RIPOR2: variants seen among roughly 807,000 people sequenced by gnomAD.
RIPOR2 encodes rho family-interacting cell polarization regulator 2.
A neutral mutation model predicts 114.5 loss-of-function variants in RIPOR2; 39 were observed. The observed-to-expected ratio is 0.34, with a 90% CI of 0.26 to 0.44. The LOEUF (loss-of-function observed/expected upper bound fraction) is 0.44. RIPOR2 is among the 20% of genes least tolerant of loss of function. The pLI, the probability that RIPOR2 is intolerant of heterozygous loss-of-function variation, is 1.00. For synonymous variants in RIPOR2, 445 were observed against 484.4 expected, an observed-to-expected ratio of 0.92 and a Z score of 1.07; for missense variants, 1,007 against 1,255.1, an observed-to-expected ratio of 0.80 and a Z score of 2.99.
chr6:25,008,823 T>C (rs1775662742), intron 1 of RIPOR2, among the ~76,000 whole-genome samples: 1 of 152,234 alleles, frequency 6.6e-6, no homozygotes, highest in African/African-American at 2.4e-5. Context: ...GAGGAGCCAT[T>C]GGCATTTGTG....
In RIPOR2 at chr6:24,804,919, A is replaced by G. The variant is rs942005772; in HGVS notation, c.*1454T>C. 3.9e-5 allele frequency: 6 copies of G among 152,322 alleles called. No homozygotes were observed. Among genetic ancestry groups the G allele is most frequent in the Admixed American group, 6.5e-5 (1 of 15,308 alleles). The allele number at this position is 152,322 out of a possible 1,614,324, so 9.4% of individuals were successfully genotyped here. A position where few individuals can be genotyped will look rare whatever the true frequency, so the allele number is the denominator to read the frequency against. On this transcript the variant is annotated 3_prime_UTR_variant, in exon 22 of 22. Coordinates refer to ENST00000643898, the MANE Select transcript of RIPOR2 (RefSeq NM_001286445.3). The stretch of plus-strand genomic sequence containing the variant: ...CTTGTACTTTGCTTAATGAACTTGC[A>G]TCTCTGATACTGAAGCAATAATGGG...
At chr6:24,834,112 A>G (rs1760904400) in intron 15 of RIPOR2, among the ~76,000 whole-genome samples, 1 of 152,058 alleles carries the variant, frequency 6.6e-6, no homozygotes, top group South Asian at 2.1e-4. Flanking sequence ...ACATTCTACC[A>G]GATTGGTTAT....
upstream of RIPOR2, among the ~76,000 whole-genome samples, chr6:24,936,710 C>G (rs779113092): frequency 1.3e-5 from 2 of 152,202 alleles, no homozygotes; most frequent in Non-Finnish European, 2.9e-5. Context: ...GCACCATTGG[C>G]TGGCATCACC....
intron 1 of RIPOR2, among the ~76,000 whole-genome samples, chr6:24,915,599 G>A (rs1003918510): frequency 6.6e-6 from 1 of 152,092 alleles, no homozygotes; most frequent in Non-Finnish European, 1.5e-5. Flanking sequence ...TCCTGACCTC[G>A]TGATCCACCT....
intron 1 of RIPOR2, among the ~76,000 whole-genome samples, chr6:24,909,241 G>C (rs1469284571): frequency 6.6e-6 from 1 of 152,164 alleles, no homozygotes; most frequent in African/African-American, 2.4e-5. Flanking sequence ...TCCTCAAGCT[G>C]CTGTTACCCT....
chr6:24,831,118 T>G (rs1760655800), intron 16 of RIPOR2, among the ~76,000 whole-genome samples: 1 of 152,168 alleles, frequency 6.6e-6, no homozygotes. Flanking sequence ...TGGTTAGTTT[T>G]CAGATGGAAC....
chr6:24,885,590 C>A (rs1462650417), intron 1 of RIPOR2, among the ~76,000 whole-genome samples: 1 of 152,160 alleles, frequency 6.6e-6, no homozygotes, highest in African/African-American at 2.4e-5. Context: ...AACGTGGAAT[C>A]CAGAGTCAGA....
chr6:24,880,920 A>G (rs901100998), intron 1 of RIPOR2, among the ~76,000 whole-genome samples: 1 of 152,208 alleles, frequency 6.6e-6, no homozygotes, highest in South Asian at 2.1e-4. Flanking sequence ...ACCAGATGCC[A>G]TATCTATTAA....
chr6:24,875,778 G>A lies in RIPOR2; in HGVS notation c.101C>T (p.Ser34Phe), dbSNP rs751771625. 60 of 1,613,244 alleles carry A rather than the reference G, an allele frequency of 3.7e-5. No homozygotes were observed. Among genetic ancestry groups the A allele is most frequent in the Non-Finnish European group, 4.2e-5 (49 of 1,179,642 alleles). Residue 34 changes from serine to phenylalanine, a missense_variant, in exon 2 of 22, where the codon TCC (serine) becomes TTC (phenylalanine). Coordinates refer to ENST00000643898, the MANE Select transcript of RIPOR2 (RefSeq NM_001286445.3). ...TRLPEIMLVG[S>F]QSFSPGGPNG... ...GGGCCCTCCAGGCGAAAAAGACTGGGATCCTACCAACATGATTTCCGGGAG... is the reference window on the plus strand; with the variant it reads ...GGGCCCTCCAGGCGAAAAAGACTGGAATCCTACCAACATGATTTCCGGGAG...
At chr6:25,024,332 C>T in intron 1 of RIPOR2, 1 of 1,468,398 alleles carries the variant, frequency 6.8e-7, no homozygotes, top group South Asian at 1.1e-5. Context: ...GTTTCAGTGC[C>T]TTCTTCCTGG....
intron 13 of RIPOR2, chr6:24,839,817 T>C (rs764444885): frequency 4.1e-4 from 554 of 1,336,006 alleles, no homozygotes; most frequent in Non-Finnish European, 4.7e-4. Context: ...TTCGGTGTTT[T>C]ACAAAAGGCG....
chr6:24,820,507 A>T (rs1043828203), intron 19 of RIPOR2, among the ~76,000 whole-genome samples: 1 of 152,216 alleles, frequency 6.6e-6, no homozygotes, highest in Non-Finnish European at 1.5e-5. Flanking sequence ...TCCTGTACCC[A>T]TTAGTAGTCA....
At chr6:24,873,567 A>G in intron 3 of RIPOR2, 77 bp downstream of exon 3, 1 of 1,319,490 alleles carries the variant, frequency 7.6e-7, no homozygotes, top group Non-Finnish European at 1.1e-6. Flanking sequence ...ACATCTGAAA[A>G]ATGATCTCAT....
intron 1 of RIPOR2, among the ~76,000 whole-genome samples, chr6:24,890,936 A>G (rs1322349364): frequency 6.7e-6 from 1 of 149,672 alleles, no homozygotes; most frequent in African/African-American, 2.5e-5. Flanking sequence ...GGGCCACTGC[A>G]CCTGGCTCCC....
intron 1 of RIPOR2, among the ~76,000 whole-genome samples, chr6:24,906,744 C>T (rs1429550218): frequency 6.6e-6 from 1 of 152,126 alleles, no homozygotes; most frequent in Non-Finnish European, 1.5e-5. Context: ...TCAAGCGATC[C>T]TCCCACCTCA....
chr6:24,918,150 T>C (rs1770222432), intron 1 of RIPOR2, among the ~76,000 whole-genome samples: 1 of 152,162 alleles, frequency 6.6e-6, no homozygotes, highest in African/African-American at 2.4e-5. Flanking sequence ...GGAATATGCA[T>C]TCCCTGGCTC....
At chr6:24,915,418 G>A (rs912133737) in intron 1 of RIPOR2, among the ~76,000 whole-genome samples, 8 of 148,838 alleles carry the variant, frequency 5.4e-5, no homozygotes, top group African/African-American at 1.3e-4. Flanking sequence ...GCAGTGGCAC[G>A]ATCTCAGCTC....
chr6:24,893,550 G>A (rs10484892), intron 1 of RIPOR2, among the ~76,000 whole-genome samples: 16,608 of 152,208 alleles, frequency 0.11, 1,021 homozygotes, highest in South Asian at 0.16. Flanking sequence ...ATTTGGTTTG[G>A]CCTTTTAGCC....
At chr6:24,836,361 A>G (rs1761106282) in intron 14 of RIPOR2, among the ~76,000 whole-genome samples, 2 of 152,216 alleles carry the variant, frequency 1.3e-5, no homozygotes, top group South Asian at 4.1e-4. Flanking sequence ...GAGAGACATG[A>G]TGTTCTACTC....
Sources: gnomAD v4.1 joint callset for allele counts (sites outside exome capture counted in the v4.1 genomes callset) on GRCh38, gnomAD v4.1.1 for gene constraint, MANE v1.5 for transcripts, NCBI Gene and HGNC (gene_info 2026-07-23, HGNC 2026-07-21) for gene names.